Variants in CUL2 observed in about 807,000 individuals in gnomAD.
The protein encoded by CUL2 is cullin 2.
A neutral mutation model predicts 110.2 loss-of-function variants in CUL2; 22 were observed. That is an observed-to-expected ratio of 0.20 (90% CI 0.14 to 0.28). CUL2 has a LOEUF of 0.28. Ranked by LOEUF, CUL2 falls within the 10% of genes least tolerant of loss-of-function variation. CUL2 has a pLI of 1.00. For synonymous variants in CUL2, 279 were observed against 293.2 expected, an observed-to-expected ratio of 0.95 and a Z score of 0.49; for missense variants, 631 against 905.5, an observed-to-expected ratio of 0.70 and a Z score of 3.89.
chr10:35,009,335 G>A lies in CUL2; in HGVS notation c.*976C>T, dbSNP rs1588936509. On this transcript the variant is annotated 3_prime_UTR_variant, in exon 21 of 21. Coordinates refer to ENST00000374749, the MANE Select transcript of CUL2 (RefSeq NM_003591.4). ...CTAAGCACATCTGTGATTGATGAGA[G>A]TGACTCTAGTATCTAAACTGTTGGA... 1 of 151,898 alleles carries A rather than the reference G, an allele frequency of 6.6e-6. No individual in the cohort carries two copies. Among genetic ancestry groups the A allele is most frequent in the South Asian group, 2.1e-4 (1 of 4,812 alleles). 9.4% of individuals were successfully genotyped at this position (151,898 alleles called of 1,614,324 possible). A position where few individuals can be genotyped will look rare whatever the true frequency, so the allele number is the denominator to read the frequency against.
chr10:35,124,434 TA>T lies in CUL2; in HGVS notation c.-51+2170del, dbSNP rs1021077603. 2.4e-3 allele frequency among the ~76,000 whole-genome samples: 352 copies of T among 145,742 alleles called. 1 individual carries two copies. Among genetic ancestry groups the T allele is most frequent in the Non-Finnish European group, 4.5e-3 (295 of 65,934 alleles). On this transcript the variant is annotated intron_variant, in intron 1 of 5. Coordinates refer to the CUL2 transcript ENST00000685421. Reference sequence around the variant, plus strand: ...CTACATATAAAAATAAAAATTAAATTAAAAAAAAAAGAGACGGAAGAGGGCA... The same window carrying T: ...CTACATATAAAAATAAAAATTAAATTAAAAAAAAAGAGACGGAAGAGGGCA...
intron 2 of CUL2, among the ~76,000 whole-genome samples, chr10:35,067,781 T>C (rs887303331): frequency 6.6e-6 from 1 of 151,444 alleles, no homozygotes; most frequent in Non-Finnish European, 1.5e-5. Context: ...GTTTATTCTA[T>C]TTATATAAAG....
intron 1 of CUL2, chr10:35,120,086 T>C (rs565629522): frequency 2.2e-4 from 33 of 152,364 alleles, no homozygotes; most frequent in African/African-American, 7.9e-4. Flanking sequence ...CTGCATGTAT[T>C]ATCAAGCTAT....
At chr10:35,042,863 C>T (rs539452189) in intron 8 of CUL2, among the ~76,000 whole-genome samples, 7 of 152,182 alleles carry the variant, frequency 4.6e-5, no homozygotes, top group South Asian at 2.1e-4. Flanking sequence ...GTCAGTAGTC[C>T]GGAGGCCCAG....
Position 35,044,801 on chromosome 10 carries a change from C to G in CUL2, c.574G>C (p.Glu192Gln). The change falls in exon 7 of 21, where the codon GAA becomes CAA. Residue 192 changes from glutamate (E) to glutamine (Q), a missense_variant. Coordinates refer to ENST00000374749, the MANE Select transcript of CUL2 (RefSeq NM_003591.4). Reference protein sequence around the residue: ...HGVINSFVHVEQYKKKFPLKF... With the variant: ...HGVINSFVHVQQYKKKFPLKF... ...AAGGGGAATTTTTTCTTATACTGTT[C>G]AACATGAACAAAGGAGTTAATAACC... is the stretch of plus-strand genomic sequence containing the variant. 3 of 1,613,042 alleles carry G rather than the reference C, an allele frequency of 1.9e-6. No individual in the cohort carries two copies. Among genetic ancestry groups the G allele is most frequent in the Non-Finnish European group, 2.5e-6 (3 of 1,179,562 alleles).
intron 1 of CUL2, among the ~76,000 whole-genome samples, chr10:35,102,032 G>C (rs1487031192): frequency 1.3e-5 from 2 of 152,176 alleles, no homozygotes; most frequent in African/African-American, 4.8e-5. Flanking sequence ...CTGAAGTAGA[G>C]AGTTCGAGAC....
intron 1 of CUL2, among the ~76,000 whole-genome samples, chr10:35,110,982 T>C (rs2087517229): frequency 6.6e-6 from 1 of 152,236 alleles, no homozygotes; most frequent in Non-Finnish European, 1.5e-5. Flanking sequence ...GTTAGGATAC[T>C]ACTGCAGTAT....
intron 1 of CUL2, among the ~76,000 whole-genome samples, chr10:35,110,201 T>C (rs2087508903): frequency 6.6e-6 from 1 of 152,166 alleles, no homozygotes; most frequent in African/African-American, 2.4e-5. Context: ...CATACTGCTA[T>C]AGGAACAAGG....
intron 1 of CUL2, among the ~76,000 whole-genome samples, chr10:35,126,313 T>C (rs760234162): frequency 6.6e-6 from 1 of 152,034 alleles, no homozygotes; most frequent in Non-Finnish European, 1.5e-5. Context: ...AAGAAGCAGG[T>C]GAATTGTCTC....
At chr10:35,074,176 C>T (rs41276098) in intron 1 of CUL2, 33,355 of 1,534,460 alleles carry the variant, frequency 0.022, 448 homozygotes, top group Middle Eastern at 0.04. Context: ...TTATCAAAGA[C>T]ACAAAAATAA....
intron 19 of CUL2, 61 bp downstream of exon 19, chr10:35,013,638 T>C: frequency 9.2e-7 from 1 of 1,081,564 alleles, no homozygotes; most frequent in Admixed American, 2.6e-5. Context: ...TGTAAACACT[T>C]GTAAAGTCCA....
At chr10:35,038,709 A>G (rs2085698059) in intron 9 of CUL2, among the ~76,000 whole-genome samples, 1 of 151,864 alleles carries the variant, frequency 6.6e-6, no homozygotes, top group South Asian at 2.1e-4. Flanking sequence ...ATGTATAAAC[A>G]CAATTTCCCA....
At chr10:35,042,583 C>T (rs545785199) in intron 8 of CUL2, among the ~76,000 whole-genome samples, 2 of 152,236 alleles carry the variant, frequency 1.3e-5, no homozygotes, top group African/African-American at 4.8e-5. Flanking sequence ...CCACCCTGTA[C>T]GCTGGGGGAA....
At chr10:35,021,525 ATAT>A (rs1290924481) in intron 17 of CUL2, among the ~76,000 whole-genome samples, 1 of 147,784 alleles carries the variant, frequency 6.8e-6, no homozygotes, top group Admixed American at 6.7e-5. Flanking sequence ...ATACATGTTT[ATAT>A]TAATGTCAAT....
chr10:35,009,869 ATTTT>A lies in CUL2; in HGVS notation c.*438_*441del, dbSNP rs78263878. The A allele has an allele frequency of 6.7e-6, 1 of 148,192 alleles. No homozygotes were observed. Among genetic ancestry groups the A allele is most frequent in the Admixed American group, 6.8e-5 (1 of 14,684 alleles). The allele number at this position is 148,192 out of a possible 1,614,324, so 9.2% of individuals were successfully genotyped here. On this transcript the variant is annotated 3_prime_UTR_variant, in exon 21 of 21. Coordinates refer to ENST00000374749, the MANE Select transcript of CUL2 (RefSeq NM_003591.4). Reference sequence around the variant, plus strand: ...CATAAAAAAGGCATTCTATTTCTTTATTTTTTTTTTATTTGACAAGCAGCAGTAT... The same window carrying A: ...CATAAAAAAGGCATTCTATTTCTTTATTTTTTATTTGACAAGCAGCAGTAT...
At chr10:35,018,028 C>T (rs781770591) in intron 17 of CUL2, among the ~76,000 whole-genome samples, 10 of 151,238 alleles carry the variant, frequency 6.6e-5, no homozygotes, top group South Asian at 2.1e-4. Flanking sequence ...TGGTGGCTCA[C>T]GCCTGTAATC....
At chr10:35,036,952 C>A (rs1454013420) in intron 9 of CUL2, among the ~76,000 whole-genome samples, 1 of 152,182 alleles carries the variant, frequency 6.6e-6, no homozygotes, top group Non-Finnish European at 1.5e-5. Context: ...CCAGGCTGGT[C>A]TTGTACTCCT....
At chr10:35,103,332 T>TC in intron 1 of CUL2, among the ~76,000 whole-genome samples, 1 of 77,954 alleles carries the variant, frequency 1.3e-5, no homozygotes, top group East Asian at 3.7e-4. Flanking sequence ...TTTTTTTTTT[T>TC]ATTTTTTTTT....
chr10:35,030,811 TGAGCCCAGGAGTTA>T (rs140557038), intron 14 of CUL2, among the ~76,000 whole-genome samples: 3 of 129,610 alleles, frequency 2.3e-5, no homozygotes, highest in South Asian at 2.6e-4. Context: ...GAGGATCGCT[TGAGCCCAGGAGTTA>T]GAGTCCAGCC....
Sources: allele counts gnomAD v4.1 joint callset (sites outside exome capture counted in the v4.1 genomes callset), GRCh38; gene constraint gnomAD v4.1.1; transcripts MANE v1.5; gene names NCBI Gene and HGNC (gene_info 2026-07-23, HGNC 2026-07-21).